The following CLCN1 variants were observed in gnomAD, a reference collection of about 807,000 sequenced individuals.
The protein encoded by CLCN1 is chloride channel protein 1.
A neutral mutation model predicts 114.5 loss-of-function variants in CLCN1; 100 were observed. That is an observed-to-expected ratio of 0.87 (90% CI 0.74 to 1.03). CLCN1 has a LOEUF of 1.03. Among genes scored for constraint, CLCN1 ranks in the 50% least tolerant of loss-of-function variants. CLCN1 has a pLI of 0.00. For synonymous variants in CLCN1, 485 were observed against 487.1 expected, an observed-to-expected ratio of 1.00 and a Z score of 0.06; for missense variants, 1,188 against 1,250.0, an observed-to-expected ratio of 0.95 and a Z score of 0.75.
At chr7:143,331,000 G>A (rs570909631) in intron 8 of CLCN1, 103 bp downstream of exon 8, 267 of 1,548,294 alleles carry the variant, frequency 1.7e-4, no homozygotes, top group Non-Finnish European at 2.2e-4. Flanking sequence ...AATAATGGGC[G>A]GCATCATTTG....
chr7:143,328,106 T>A (rs1586493454), intron 7 of CLCN1, among the ~76,000 whole-genome samples: 1 of 152,330 alleles, frequency 6.6e-6, no homozygotes, highest in East Asian at 1.9e-4. Context: ...AGCTAGCTGA[T>A]ACATTTCACT....
chr7:143,330,902 C>A lies in CLCN1; in HGVS notation c.979+5C>A, dbSNP rs377300277. ...CAGTGTGGAACAAGGATGCTGGTAA[C>A]CAAGGAGGCCTTGGGTGGAGGCCAT... On this transcript the variant is annotated splice_donor_5th_base_variant and intron_variant, in intron 8 of 22. Transcript: ENST00000343257. 1 of 1,614,140 alleles carries A rather than the reference C, an allele frequency of 6.2e-7. No individual in the cohort carries two copies. The highest frequency in any genetic ancestry group is 1.1e-5 in the South Asian group (1 of 91,080).
intron 7 of CLCN1, among the ~76,000 whole-genome samples, chr7:143,326,695 C>G (rs1263849237): frequency 6.6e-6 from 1 of 152,110 alleles, no homozygotes; most frequent in Non-Finnish European, 1.5e-5. Context: ...GAGGAAACAG[C>G]ATTGCAAAGT....
chr7:143,339,200 C>T lies in CLCN1; in HGVS notation c.1402-53C>T. 9.0e-7 allele frequency: 1 copy of T among 1,114,392 alleles called. No homozygotes were observed. The highest frequency in any genetic ancestry group is 1.5e-5 in the African/African-American group (1 of 64,840). 69.0% of individuals were successfully genotyped at this position (1,114,392 alleles called of 1,614,324 possible). A position where few individuals can be genotyped will look rare whatever the true frequency, so the allele number is the denominator to read the frequency against. On this transcript the variant is annotated intron_variant, in intron 12 of 22. Transcript: ENST00000343257. This position sits in a 1 kb window ranked among gnomAD's most constrained non-coding sequence, Gnocchi z 4.1. Reference sequence around the variant, plus strand: ...GATAGTGGGAAGGGAATTGTGTGTGCATGTCTATTGGGCAGAGTTGAAAGG... The same window carrying T: ...GATAGTGGGAAGGGAATTGTGTGTGTATGTCTATTGGGCAGAGTTGAAAGG...
intron 8 of CLCN1, 123 bp downstream of exon 8, chr7:143,331,020 A>C: frequency 7.1e-7 from 1 of 1,410,918 alleles, no homozygotes; most frequent in Non-Finnish European, 1.0e-6. Context: ...GTGGGGTGGG[A>C]CCAAGGCCCA....
intron 8 of CLCN1, 56 bp downstream of exon 8, chr7:143,330,953 G>T: frequency 6.2e-7 from 1 of 1,613,392 alleles, no homozygotes; most frequent in Non-Finnish European, 8.5e-7. Flanking sequence ...TGGGAATGGG[G>T]TGCAGAGGAA....
chr7:143,327,087 A>G (rs1424297793), intron 7 of CLCN1, among the ~76,000 whole-genome samples: 1 of 152,066 alleles, frequency 6.6e-6, no homozygotes, highest in Non-Finnish European at 1.5e-5. Context: ...CTCTATTAAG[A>G]ATACAAAAAT....
intron 6 of CLCN1, 142 bp downstream of exon 6, chr7:143,323,528 C>G (rs532710779): frequency 8.2e-6 from 6 of 732,500 alleles, no homozygotes; most frequent in South Asian, 5.8e-5. Flanking sequence ...CTCCCTTCCT[C>G]GTCTCCCTGT....
chr7:143,332,320 A>T lies in CLCN1; in HGVS notation c.1167-99A>T, dbSNP rs1424459886. ...AATCTTTTTCATTTAAAGAAATGAG[A>T]CTACGGTGGACTAAAGGAAACTTCA... On this transcript the variant is annotated intron_variant, in intron 10 of 22. Coordinates refer to ENST00000343257, the MANE Select transcript of CLCN1 (RefSeq NM_000083.3). 3.3e-6 allele frequency: 3 copies of T among 897,636 alleles called. No individual in the cohort carries two copies. The East Asian group carries it at 7.2e-5, about 22-fold the overall frequency. 55.6% of individuals were successfully genotyped at this position (897,636 alleles called of 1,614,324 possible). A position where few individuals can be genotyped will look rare whatever the true frequency, so the allele number is the denominator to read the frequency against.
In CLCN1 at chr7:143,332,431, T is replaced by C; in HGVS notation, c.1179T>C (p.Tyr393=). 6.2e-7 allele frequency: 1 copy of C among 1,614,104 alleles called. No individual in the cohort carries two copies. Among genetic ancestry groups the C allele is most frequent in the Non-Finnish European group, 8.5e-7 (1 of 1,179,946 alleles). Residue 393 remains tyrosine (Y), a synonymous_variant, in exon 11 of 23, where the codon TAT becomes TAC. Coordinates refer to ENST00000343257, the MANE Select transcript of CLCN1 (RefSeq NM_000083.3). ...SQFLAKHRLL[Y]PGIVTFVIAS... ...GTTTCTTTTTCAGCCGCCTGCTGTA[T>C]CCTGGAATTGTTACCTTTGTCATTG...
chr7:143,323,499 A>G (rs1407789100), intron 6 of CLCN1, 113 bp downstream of exon 6: 2 of 798,516 alleles, frequency 2.5e-6, no homozygotes, highest in East Asian at 4.9e-5. Context: ...GTGCTGAAGC[A>G]GCATCGCACT....
chr7:143,351,823 T>A lies in CLCN1; in HGVS notation c.2825T>A (p.Leu942Gln), dbSNP rs1803418597. Residue 942 changes from leucine (L) to glutamine (Q), a missense_variant, in exon 23 of 23, where the codon CTG becomes CAG. Leu to Gln is a moderately radical substitution (Grantham distance 113). Transcript: ENST00000343257. ...PSPSPEPPLS[L>Q]APGKVEGELE... ...CCTTCCCCAGAGCCCCCTCTCTCCC[T>A]GGCCCCAGGCAAGGTAGAGGGCGAG... is the stretch of plus-strand genomic sequence containing the variant. The A allele has an allele frequency of 6.2e-7, 1 of 1,614,004 alleles. No homozygotes were observed. Among genetic ancestry groups the A allele is most frequent in the Non-Finnish European group, 8.5e-7 (1 of 1,179,906 alleles).
chr7:143,317,297 G>A (rs1210247798), intron 1 of CLCN1, among the ~76,000 whole-genome samples: 5 of 135,628 alleles, frequency 3.7e-5, no homozygotes, highest in South Asian at 2.3e-4. Context: ...CTCCCAGGCT[G>A]GAGTGCAGTG....
chr7:143,328,623 A>C (rs1272169732), intron 7 of CLCN1, among the ~76,000 whole-genome samples: 1 of 152,214 alleles, frequency 6.6e-6, no homozygotes, highest in Non-Finnish European at 1.5e-5. Context: ...GTTTACACCC[A>C]GGCAAATCAA....
chr7:143,329,646 A>G (rs1802669774), intron 7 of CLCN1, among the ~76,000 whole-genome samples: 1 of 152,180 alleles, frequency 6.6e-6, no homozygotes, highest in South Asian at 2.1e-4. Flanking sequence ...TGCTGCCTGA[A>G]GAGGGCGTTC....
Position 143,330,819 on chromosome 7 carries a change from A to G in CLCN1, c.901A>G (p.Asn301Asp). 1 of 1,614,142 alleles carries G rather than the reference A, an allele frequency of 6.2e-7. No individual in the cohort carries two copies. Among genetic ancestry groups the G allele is most frequent in the Non-Finnish European group, 8.5e-7 (1 of 1,180,038 alleles). ...EVTSTYFAVRNYWRGFFAATF... is the reference protein window; with the variant it reads ...EVTSTYFAVRDYWRGFFAATF... ...CACCTCCACCTACTTTGCTGTTCGG[A>G]ACTACTGGAGAGGATTCTTTGCAGC... is the stretch of plus-strand genomic sequence containing the variant. Residue 301 changes from asparagine (N) to aspartate (D), a missense_variant, in exon 8 of 23, where the codon AAC (asparagine) becomes GAC (aspartate). Physicochemically the swap from Asn to Asp is conservative, Grantham distance 23 (BLOSUM62 1). Coordinates refer to ENST00000343257, the MANE Select transcript of CLCN1 (RefSeq NM_000083.3).
chr7:143,328,639 A>C (rs1802639860), intron 7 of CLCN1, among the ~76,000 whole-genome samples: 2 of 152,168 alleles, frequency 1.3e-5, no homozygotes, highest in African/African-American at 4.8e-5. Flanking sequence ...ATCAAAGCTG[A>C]CTGCTTTTGT....
At chr7:143,331,734 G>T (rs1339981937) in intron 10 of CLCN1, 82 bp downstream of exon 10, 2 of 945,884 alleles carry the variant, frequency 2.1e-6, no homozygotes, top group Admixed American at 1.8e-5. Flanking sequence ...TTTGGGGAAG[G>T]CATTAAATGC....
In CLCN1 at chr7:143,350,926, C is replaced by T. The variant is rs946482278; in HGVS notation, c.2595+272C>T. On this transcript the variant is annotated intron_variant, in intron 22 of 22. Coordinates refer to ENST00000343257, the MANE Select transcript of CLCN1 (RefSeq NM_000083.3). This position sits in a 1 kb window ranked among gnomAD's most constrained non-coding sequence, Gnocchi z 5.1. Reference sequence around the variant, plus strand: ...CCAAGTAGCTGGGATTACAGGCGCCCGCTACCACACCCGCTAATTTTTTGT... The same window carrying T: ...CCAAGTAGCTGGGATTACAGGCGCCTGCTACCACACCCGCTAATTTTTTGT... 1.3e-5 allele frequency among the ~76,000 whole-genome samples: 2 copies of T among 152,162 alleles called. No homozygotes were observed. The highest frequency in any genetic ancestry group is 4.8e-5 in the African/African-American group (2 of 41,500).
Sources: allele counts gnomAD v4.1 joint callset (sites outside exome capture counted in the v4.1 genomes callset), GRCh38; gene constraint gnomAD v4.1.1; non-coding constraint Gnocchi (gnomAD v3.1); transcripts MANE v1.5; gene names NCBI Gene and HGNC (gene_info 2026-07-23, HGNC 2026-07-21).